SPEF2: variants seen among roughly 807,000 people sequenced by gnomAD.
The protein encoded by SPEF2 is sperm flagella and cilia-associated protein 2.
A neutral mutation model predicts 224.6 loss-of-function variants in SPEF2; 187 were observed. The observed-to-expected ratio is 0.83, with a 90% CI of 0.74 to 0.94. The LOEUF (loss-of-function observed/expected upper bound fraction) is 0.94. SPEF2 is among the 40% of genes least tolerant of loss of function. SPEF2 has a pLI of 0.00. For synonymous variants in SPEF2, 715 were observed against 707.3 expected (o/e 1.01, Z -0.17); for missense variants, 2,170 against 2,135.6 (o/e 1.02, Z -0.32).
At chr5:35,756,954 G>T (rs747557259) in intron 24 of SPEF2, among the ~76,000 whole-genome samples, 128 of 150,328 alleles carry the variant, frequency 8.5e-4, no homozygotes, top group Non-Finnish European at 1.5e-3. Flanking sequence ...TATAGGACAA[G>T]TTTTCTACAA....
chr5:35,793,237 C>A lies in SPEF2; in HGVS notation c.4633C>A (p.Pro1545Thr), dbSNP rs200164029. The A allele has an allele frequency of 1.7e-5, 28 of 1,614,192 alleles. 1 individual carries two copies. The South Asian group carries it at 2.9e-4, about 16-fold the overall frequency. Residue 1545 changes from proline to threonine, a missense_variant, in exon 32 of 37, where the codon CCT becomes ACT. Physicochemically the swap from Pro to Thr is conservative, Grantham distance 38 (BLOSUM62 -1). Coordinates refer to ENST00000356031, the MANE Select transcript of SPEF2 (RefSeq NM_024867.4). The part of the protein sequence containing the change: ...WRKFLLVTSM[P>T]WPIPLEEELL... ...GAAGTTCCTGTTAGTAACCTCAATG[C>A]CTTGGCCCATTCCCTTGGAGGAGGA...
chr5:35,756,636 A>G (rs1370462175), intron 24 of SPEF2, among the ~76,000 whole-genome samples: 1 of 152,228 alleles, frequency 6.6e-6, no homozygotes, highest in Non-Finnish European at 1.5e-5. Flanking sequence ...AAAGCCATCA[A>G]GAATCTGTGG....
chr5:35,779,211 A>C lies in SPEF2; in HGVS notation c.4312A>C (p.Asn1438His). The change falls in exon 30 of 37, where the codon AAT becomes CAT. Residue 1438 changes from asparagine (N) to histidine (H), a missense_variant. Coordinates refer to ENST00000356031, the MANE Select transcript of SPEF2 (RefSeq NM_024867.4). ...TTTAAGCCAAGAAGACTTCTTCATT[A>C]ATGGCAATATAAAAGTCTTCCCAGA... is the stretch of plus-strand genomic sequence containing the variant. ...LYLSQEDFFI[N>H]GNIKVFPDPP... 1.2e-6 allele frequency: 2 copies of C among 1,613,856 alleles called. No homozygotes were observed. The highest frequency in any genetic ancestry group is 1.7e-6 in the Non-Finnish European group (2 of 1,179,788).
intron 20 of SPEF2, among the ~76,000 whole-genome samples, chr5:35,716,146 T>C (rs1742527474): frequency 6.6e-6 from 1 of 151,938 alleles, no homozygotes; most frequent in Admixed American, 6.6e-5. Flanking sequence ...TTCTCAAATG[T>C]CCAAACATTT....
chr5:35,649,752 A>G (rs1747922199), intron 6 of SPEF2, among the ~76,000 whole-genome samples: 1 of 152,242 alleles, frequency 6.6e-6, no homozygotes, highest in Admixed American at 6.5e-5. Context: ...TTGTCACAGT[A>G]AATCCTTTAT....
At chr5:35,730,353 C>T (rs1185776103) in intron 21 of SPEF2, among the ~76,000 whole-genome samples, 2 of 152,222 alleles carry the variant, frequency 1.3e-5, no homozygotes, top group Non-Finnish European at 2.9e-5. Flanking sequence ...GACCAGGACT[C>T]CACGAAAAGA....
chr5:35,785,320 A>G lies in SPEF2; in HGVS notation c.4447+5974A>G, dbSNP rs539234830. Among the ~76,000 whole-genome samples, 30 of 152,042 alleles carry G rather than the reference A, an allele frequency of 2.0e-4. 1 individual carries two copies. The highest frequency in any genetic ancestry group is 7.0e-4 in the African/African-American group (29 of 41,574). On this transcript the variant is annotated intron_variant, in intron 30 of 36. Transcript: ENST00000356031. ...AGATCTGTTAAAACTGTTTATGAGT[A>G]GAGTTTCAAATGTGTCTTCAGAATG...
chr5:35,789,968 ATGTT>A (rs1297641132), intron 30 of SPEF2: 1 of 701,676 alleles, frequency 1.4e-6, no homozygotes. Flanking sequence ...ATATTTATAA[ATGTT>A]TGGGTAAAAC....
intron 8 of SPEF2, among the ~76,000 whole-genome samples, chr5:35,665,057 A>T (rs1375625132): frequency 1.3e-5 from 2 of 152,130 alleles, no homozygotes; most frequent in East Asian, 1.9e-4. Context: ...TTTGAGCTTT[A>T]CTTTGAGTCA....
At chr5:35,702,904 G>A (rs2149570080) in intron 16 of SPEF2, among the ~76,000 whole-genome samples, 1 of 152,160 alleles carries the variant, frequency 6.6e-6, no homozygotes, top group Non-Finnish European at 1.5e-5. Flanking sequence ...AATAAGGACT[G>A]AAATGTGTCC....
At position 35,700,734 on chromosome 5, in the gene SPEF2, C is replaced by A; in HGVS notation, c.2380C>A (p.Arg794Ser). Residue 794 changes from arginine to serine, a missense_variant, in exon 16 of 37, where the codon CGC (arginine) becomes AGC (serine). Physicochemically the swap from Arg to Ser is moderately radical, Grantham distance 110. Coordinates refer to ENST00000356031, the MANE Select transcript of SPEF2 (RefSeq NM_024867.4). ...TGTTTCAGATACTTCCTCAATGAGTCGCATGAATGATATTATAGGTAAGCT... is the reference window on the plus strand; with the variant it reads ...TGTTTCAGATACTTCCTCAATGAGTAGCATGAATGATATTATAGGTAAGCT... ...LDVSDTSSMS[R>S]MNDIIAEELS... The A allele has an allele frequency of 6.2e-7, 1 of 1,613,796 alleles. No homozygotes were observed. Among genetic ancestry groups the A allele is most frequent in the South Asian group, 1.1e-5 (1 of 91,054 alleles).
At position 35,712,843 on chromosome 5, in the gene SPEF2, G is replaced by T; in HGVS notation, c.2871G>T (p.Gln957His). The T allele has an allele frequency of 6.2e-7, 1 of 1,613,694 alleles. No homozygotes were observed. Residue 957 changes from glutamine to histidine, a missense_variant, in exon 20 of 37, where the codon CAG becomes CAT. Gln to His is a conservative substitution (Grantham distance 24, BLOSUM62 0). Coordinates refer to ENST00000356031, the MANE Select transcript of SPEF2 (RefSeq NM_024867.4). The stretch of plus-strand genomic sequence containing the variant: ...CGCATGGTAAGCAAGAATCTCTTCA[G>T]GAAGGAAAAGGGAAGAAAGGTGAGA... Reference protein sequence around the residue: ...EAPHGKQESLQEGKGKKGETA... With the variant: ...EAPHGKQESLHEGKGKKGETA...
At chr5:35,676,538 G>C (rs1188182834) in intron 10 of SPEF2, among the ~76,000 whole-genome samples, 1 of 152,092 alleles carries the variant, frequency 6.6e-6, no homozygotes, top group Non-Finnish European at 1.5e-5. Flanking sequence ...AGACCAGCCT[G>C]GCCAACATGG....
intron 1 of SPEF2, among the ~76,000 whole-genome samples, chr5:35,625,363 G>A (rs971029827): frequency 6.6e-6 from 1 of 152,118 alleles, no homozygotes; most frequent in East Asian, 1.9e-4. Context: ...TGACCTTTTT[G>A]TAGAAAATGG....
chr5:35,700,837 T>C (rs1222386109), intron 16 of SPEF2, 85 bp downstream of exon 16: 3 of 1,397,128 alleles, frequency 2.1e-6, no homozygotes, highest in African/African-American at 2.9e-5. Context: ...TTTACAATTA[T>C]AAATGAGTAC....
At chr5:35,790,758 A>C (rs1415841649) in intron 30 of SPEF2, 1 of 156,562 alleles carries the variant, frequency 6.4e-6, no homozygotes, top group Non-Finnish European at 1.4e-5. Context: ...TCTAAGTGAT[A>C]GTTGCATTAG....
At chr5:35,693,106 G>A (rs972128899) in intron 12 of SPEF2, among the ~76,000 whole-genome samples, 3 of 152,128 alleles carry the variant, frequency 2.0e-5, no homozygotes, top group African/African-American at 7.2e-5. Context: ...AATTGTGGAG[G>A]TTGGGAGGGT....
chr5:35,717,129 C>T (rs967138267), intron 20 of SPEF2, among the ~76,000 whole-genome samples: 7 of 152,152 alleles, frequency 4.6e-5, no homozygotes, highest in Non-Finnish European at 8.8e-5. Context: ...AGAAAGTTTT[C>T]AATAATCAAC....
chr5:35,745,330 C>CG (rs1217061415), intron 23 of SPEF2, among the ~76,000 whole-genome samples: 1 of 152,064 alleles, frequency 6.6e-6, no homozygotes, highest in Non-Finnish European at 1.5e-5. Flanking sequence ...GGCCAGAGCT[C>CG]GGGGGAGGGT....
Sources: gnomAD v4.1 joint callset for allele counts (sites outside exome capture counted in the v4.1 genomes callset) on GRCh38, gnomAD v4.1.1 for gene constraint, MANE v1.5 for transcripts, NCBI Gene and HGNC (gene_info 2026-07-23, HGNC 2026-07-21) for gene names.